Variants in C5AR1 observed in about 807,000 individuals in gnomAD.
C5AR1 encodes complement C5a receptor 1, also known as C5a anaphylatoxin chemotactic receptor 1.
Under a neutral mutation model 2.4 loss-of-function variants are expected in C5AR1, and 4 were observed. That is an observed-to-expected ratio of 1.65 (90% CI 0.81 to 3.77). C5AR1 has a LOEUF of 3.77. C5AR1 is among the 30% of genes most tolerant of loss of function. C5AR1 has a pLI of 0.01. For synonymous variants in C5AR1, 209 were observed against 210.4 expected (o/e 0.99, Z 0.06); for missense variants, 418 against 462.5 (o/e 0.90, Z 0.88).
At chr19:47,319,030 C>T (rs574219453) in intron 1 of C5AR1, among the ~76,000 whole-genome samples, 1 of 151,166 alleles carries the variant, frequency 6.6e-6, no homozygotes, top group South Asian at 2.1e-4. Context: ...GGATTACAGG[C>T]GCCCACTACC....
At position 47,320,380 on chromosome 19, in the gene C5AR1, C is replaced by T. The variant is rs111415751; in HGVS notation, c.603C>T (p.Ala201=). The part of the protein sequence containing the change: ...DYSHDKRRER[A]VAIVRLVLGF... ...GCCACGACAAACGGCGGGAGCGAGCCGTGGCCATCGTCCGGCTGGTCCTGG... is the reference window on the plus strand; with the variant it reads ...GCCACGACAAACGGCGGGAGCGAGCTGTGGCCATCGTCCGGCTGGTCCTGG... Residue 201 remains alanine, a synonymous_variant, in exon 2 of 2, where the codon GCC becomes GCT. Coordinates refer to ENST00000355085, the MANE Select transcript of C5AR1 (RefSeq NM_001736.4). This position sits in a 1 kb window ranked among gnomAD's most constrained non-coding sequence, Gnocchi z 4.9. The T allele has an allele frequency of 4.9e-5, 79 of 1,609,872 alleles. No homozygotes were observed. The highest frequency in any genetic ancestry group is 3.9e-4 in the African/African-American group (29 of 75,026).
intron 1 of C5AR1, among the ~76,000 whole-genome samples, chr19:47,317,516 A>AT (rs1204161922): frequency 5.2e-5 from 6 of 115,450 alleles, no homozygotes; most frequent in East Asian, 4.8e-4. Flanking sequence ...TCAAAAAAAA[A>AT]AAAATATATA....
At chr19:47,308,896 TC>T (rs1403289362), upstream of C5AR1, among the ~76,000 whole-genome samples, 2 of 152,042 alleles carry the variant, frequency 1.3e-5, no homozygotes, top group Non-Finnish European at 2.9e-5. Flanking sequence ...TGCCTCAGCT[TC>T]CCAAGTAGCT....
At chr19:47,318,009 A>G (rs1055200438) in intron 1 of C5AR1, among the ~76,000 whole-genome samples, 2 of 150,876 alleles carry the variant, frequency 1.3e-5, no homozygotes, top group South Asian at 4.2e-4. Context: ...ACAAAACTCC[A>G]TCTGCAAATT....
chr19:47,309,844 G>C, upstream of C5AR1: 1 of 1,606,392 alleles, frequency 6.2e-7, no homozygotes, highest in East Asian at 2.2e-5. Context: ...AAAAACCACA[G>C]CCCTTGGGCA....
At chr19:47,308,273 T>C (rs564418332), upstream of C5AR1, among the ~76,000 whole-genome samples, 4 of 147,654 alleles carry the variant, frequency 2.7e-5, no homozygotes, top group Admixed American at 2.7e-4. Context: ...ATGTGAGGGA[T>C]CTGGGTTGCA....
At chr19:47,319,736 C>T in intron 1 of C5AR1, 45 bp from the exon 2 acceptor site, 2 of 1,306,142 alleles carry the variant, frequency 1.5e-6, no homozygotes, top group Admixed American at 1.8e-5. Context: ...TACCCGGGCA[C>T]ATGTCTGCAG....
At position 47,320,014 on chromosome 19, in the gene C5AR1, G is replaced by A. The variant is rs202194672; in HGVS notation, c.237G>A (p.Ala79=). 65 of 1,614,092 alleles carry A rather than the reference G, an allele frequency of 4.0e-5. 1 individual carries two copies. The highest frequency in any genetic ancestry group is 9.9e-5 in the South Asian group (9 of 91,090). ...TINAIWFLNL[A]VADFLSCLAL... ...ATGCCATCTGGTTCCTCAACTTGGC[G>A]GTAGCCGACTTCCTCTCCTGCCTGG... is the stretch of plus-strand genomic sequence containing the variant. The change falls in exon 2 of 2, where the codon GCG becomes GCA. Residue 79 remains alanine, a synonymous_variant. Transcript: ENST00000355085. The surrounding 1 kb of genome is among the most constrained non-coding windows in gnomAD (Gnocchi z 4.9).
intron 1 of C5AR1, among the ~76,000 whole-genome samples, chr19:47,310,807 G>A (rs1343564517): frequency 6.6e-6 from 1 of 152,220 alleles, no homozygotes; most frequent in East Asian, 1.9e-4. Flanking sequence ...CGTTTGAGAT[G>A]TTCTGCATGA....
intron 1 of C5AR1, among the ~76,000 whole-genome samples, chr19:47,312,657 A>T (rs1306218112): frequency 6.6e-6 from 1 of 152,194 alleles, no homozygotes; most frequent in Admixed American, 6.6e-5. Flanking sequence ...GCGTTGTATT[A>T]GGCATTCATT....
rs761154401 is a variant in C5AR1, at chr19:47,320,176, C to T, written c.399C>T (p.Asp133=). Residue 133 remains aspartate, a synonymous_variant, in exon 2 of 2, where the codon GAC becomes GAT. Coordinates refer to ENST00000355085, the MANE Select transcript of C5AR1 (RefSeq NM_001736.4). This position sits in a 1 kb window ranked among gnomAD's most constrained non-coding sequence, Gnocchi z 4.9. ...SILLLATISA[D]RFLLVFKPIW... ...TGCTCCTGGCCACCATCAGCGCCGA[C>T]CGCTTTCTGCTGGTGTTTAAACCCA... 1 of 1,614,218 alleles carries T rather than the reference C, an allele frequency of 6.2e-7. No individual in the cohort carries two copies. Among genetic ancestry groups the T allele is most frequent in the South Asian group, 1.1e-5 (1 of 91,090 alleles).
Position 47,320,822 on chromosome 19 carries a change from G to C in C5AR1, c.1045G>C (p.Ala349Pro). The C allele has an allele frequency of 1.2e-6, 2 of 1,608,408 alleles. No individual in the cohort carries two copies. Among genetic ancestry groups the C allele is most frequent in the Middle Eastern group, 1.7e-4 (1 of 6,042 alleles). The change falls in exon 2 of 2, where the codon GCA (alanine) becomes CCA (proline). Residue 349 changes from alanine to proline, a missense_variant. By Grantham distance (27) the Ala-to-Pro change is conservative. Transcript: ENST00000355085. The surrounding 1 kb of genome is among the most constrained non-coding windows in gnomAD (Gnocchi z 4.9). Reference sequence around the variant, plus strand: ...GGACACTATGGCCCAGAAGACCCAGGCAGTGTAGGCGACAGCCTCATGGGC... The same window carrying C: ...GGACACTATGGCCCAGAAGACCCAGCCAGTGTAGGCGACAGCCTCATGGGC... ...TVDTMAQKTQ[A>P]V
intron 1 of C5AR1, among the ~76,000 whole-genome samples, chr19:47,315,936 T>C (rs1183783874): frequency 6.6e-6 from 1 of 152,046 alleles, no homozygotes; most frequent in African/African-American, 2.4e-5. Flanking sequence ...GTCTCTCCAT[T>C]ATCCATCCAT....
At position 47,319,945 on chromosome 19, in the gene C5AR1, C is replaced by T. The variant is rs776764274; in HGVS notation, c.168C>T (p.Ala56=). The stretch of plus-strand genomic sequence containing the variant: ...TCCTGGTGGGAGTGCTGGGCAATGC[C>T]CTGGTGGTCTGGGTGACGGCATTCG... The part of the protein sequence containing the change: ...VVFLVGVLGN[A]LVVWVTAFEA... Residue 56 remains alanine (A), a synonymous_variant, in exon 2 of 2, where the codon GCC becomes GCT. Coordinates refer to ENST00000355085, the MANE Select transcript of C5AR1 (RefSeq NM_001736.4). The T allele has an allele frequency of 6.2e-7, 1 of 1,614,220 alleles. No individual in the cohort carries two copies. The highest frequency in any genetic ancestry group is 1.7e-5 in the Admixed American group (1 of 60,006).
chr19:47,313,401 A>G (rs2059276771), intron 1 of C5AR1, among the ~76,000 whole-genome samples: 1 of 151,926 alleles, frequency 6.6e-6, no homozygotes, highest in African/African-American at 2.4e-5. Flanking sequence ...TCTGCCTAGA[A>G]TGCATGCCCC....
At chr19:47,312,602 A>G (rs575353366) in intron 1 of C5AR1, among the ~76,000 whole-genome samples, 6 of 152,274 alleles carry the variant, frequency 3.9e-5, no homozygotes, top group African/African-American at 1.4e-4. Flanking sequence ...TGAATAACAT[A>G]TAGTATTATT....
At position 47,320,312 on chromosome 19, in the gene C5AR1, G is replaced by A; in HGVS notation, c.535G>A (p.Glu179Lys). Reference sequence around the variant, plus strand: ...CTCCTTCCTGTACCGGGTGGTCCGGGAGGAGTACTTTCCACCAAAGGTGTT... The same window carrying A: ...CTCCTTCCTGTACCGGGTGGTCCGGAAGGAGTACTTTCCACCAAAGGTGTT... ...IPSFLYRVVR[E>K]EYFPPKVLCG... The change falls in exon 2 of 2, where the codon GAG (glutamate) becomes AAG (lysine). Residue 179 changes from glutamate to lysine, a missense_variant. Glu to Lys is a moderately conservative substitution (Grantham distance 56). Coordinates refer to ENST00000355085, the MANE Select transcript of C5AR1 (RefSeq NM_001736.4). The surrounding 1 kb of genome is among the most constrained non-coding windows in gnomAD (Gnocchi z 4.9). 1 of 1,610,996 alleles carries A rather than the reference G, an allele frequency of 6.2e-7. No homozygotes were observed. The highest frequency in any genetic ancestry group is 8.5e-7 in the Non-Finnish European group (1 of 1,180,030).
intron 1 of C5AR1, among the ~76,000 whole-genome samples, chr19:47,315,296 G>A (rs998747055): frequency 2.0e-5 from 3 of 152,194 alleles, no homozygotes; most frequent in African/African-American, 7.2e-5. Context: ...TCTTTGGAGA[G>A]GTGCTGCAGT....
chr19:47,309,997 C>T (rs2059264995), intron 1 of C5AR1, 99 bp downstream of exon 1: 2 of 1,192,450 alleles, frequency 1.7e-6, no homozygotes, highest in Non-Finnish European at 1.2e-6. Context: ...TCGCCGTCAA[C>T]TCTGTCTGTC....
Sources: allele counts gnomAD v4.1 joint callset (sites outside exome capture counted in the v4.1 genomes callset), GRCh38; gene constraint gnomAD v4.1.1; non-coding constraint Gnocchi (gnomAD v3.1); transcripts MANE v1.5; gene names NCBI Gene and HGNC (gene_info 2026-07-23, HGNC 2026-07-21).